Variants in SAMD12 observed in about 807,000 individuals in gnomAD.
The protein encoded by SAMD12 is sterile alpha motif domain-containing protein 12.
SAMD12 carries 9 observed loss-of-function variants against 15.0 expected under a neutral mutation model. The observed-to-expected ratio is 0.60, with a 90% confidence interval of 0.36 to 1.05. The LOEUF (loss-of-function observed/expected upper bound fraction) is 1.05. Ranked by LOEUF, SAMD12 falls within the 50% of genes least tolerant of loss-of-function variation. The pLI is 0.01. For missense variants in SAMD12, 230 were observed against 234.2 expected (o/e 0.98, Z 0.12); for synonymous variants, 86 against 90.1 (o/e 0.96, Z 0.25).
At chr8:118,241,063 T>C (rs1413697874) in intron 4 of SAMD12, among the ~76,000 whole-genome samples, 1 of 152,192 alleles carries the variant, frequency 6.6e-6, no homozygotes, top group African/African-American at 2.4e-5. Flanking sequence ...ATCCCTGGGA[T>C]AGTATTCATT....
At chr8:118,542,158 C>T (rs1186215873) in intron 2 of SAMD12, among the ~76,000 whole-genome samples, 1 of 152,084 alleles carries the variant, frequency 6.6e-6, no homozygotes, top group Non-Finnish European at 1.5e-5. Flanking sequence ...AATAGGCCAC[C>T]CTGGCTGCAT....
downstream of SAMD12, among the ~76,000 whole-genome samples, chr8:118,185,007 T>C (rs966996506): frequency 2.0e-5 from 3 of 151,864 alleles, no homozygotes; most frequent in Admixed American, 1.3e-4. Context: ...AAAAAATCAA[T>C]ACCTGTTTGC....
At position 118,401,541 on chromosome 8, in the gene SAMD12, C is replaced by CCTTT. The variant is rs10630727; in HGVS notation, c.323-21842_323-21841insAAAG. Among the ~76,000 whole-genome samples, 612 of 140,246 alleles carry CCTTT rather than the reference C, an allele frequency of 4.4e-3. 8 individuals carry two copies. The highest frequency in any genetic ancestry group is 0.013 in the African/African-American group (489 of 38,026). 92.0% of individuals were successfully genotyped at this position (140,246 alleles called of 152,430 possible). ...GTGTGCCACAGACTCCCTTCTTCTT[C>CCTTT]TTTTTTTTTTTTTTTGTATAAACAG... On this transcript the variant is annotated intron_variant, in intron 3 of 3. Transcript: ENST00000314727.
chr8:118,321,176 T>A (rs1816255090), intron 4 of SAMD12, among the ~76,000 whole-genome samples: 3 of 115,786 alleles, frequency 2.6e-5, no homozygotes, highest in East Asian at 2.3e-4. Flanking sequence ...TATATATATA[T>A]ATATATATAT....
At chr8:118,516,091 G>A (rs1326160721) in intron 2 of SAMD12, among the ~76,000 whole-genome samples, 1 of 152,182 alleles carries the variant, frequency 6.6e-6, no homozygotes, top group Admixed American at 6.5e-5. Flanking sequence ...TGAATTTGCT[G>A]AGAGAACTCT....
exon 5 of SAMD12, chr8:118,192,406 G>A (rs879629122): frequency 1.3e-5 from 2 of 152,126 alleles, no homozygotes; most frequent in African/African-American, 4.8e-5. Flanking sequence ...CAATGTGGAA[G>A]GCAACCAGCA....
chr8:118,543,631 C>CTTTTTTTTTTTTTTTTTTTTTTTTTTT (rs397978436), intron 2 of SAMD12, among the ~76,000 whole-genome samples: 1 of 116,630 alleles, frequency 8.6e-6, no homozygotes, highest in African/African-American at 3.6e-5. Context: ...TTCTTTCTTT[C>CTTTTTTTTTTTTTTTTTTTTTTTTTTT]TTTTTTTTTT....
At chr8:118,520,892 G>A (rs527310594) in intron 2 of SAMD12, among the ~76,000 whole-genome samples, 3 of 152,076 alleles carry the variant, frequency 2.0e-5, no homozygotes, top group Non-Finnish European at 4.4e-5. Flanking sequence ...ATTCTGGGTG[G>A]TGATCCATAA....
chr8:118,330,211 T>C (rs73709920), intron 4 of SAMD12, among the ~76,000 whole-genome samples: 21,094 of 152,178 alleles, frequency 0.14, 3,072 homozygotes, highest in African/African-American at 0.35. Flanking sequence ...AAGATGTAGC[T>C]ACGTTGGATT....
intron 2 of SAMD12, among the ~76,000 whole-genome samples, chr8:118,517,365 A>G (rs1301361786): frequency 6.6e-6 from 1 of 152,198 alleles, no homozygotes; most frequent in Non-Finnish European, 1.5e-5. Flanking sequence ...CTATACCTCA[A>G]TTTCCTCATT....
the SAMD12 span, among the ~76,000 whole-genome samples, chr8:118,149,518 G>C: frequency 4.6e-5 from 7 of 152,098 alleles, no homozygotes; most frequent in Non-Finnish European, 8.8e-5. Context: ...CTGGGTTCCA[G>C]TCCTTTCTCT....
intron 2 of SAMD12, among the ~76,000 whole-genome samples, chr8:118,543,431 C>G (rs912891914): frequency 6.6e-6 from 1 of 152,022 alleles, no homozygotes; most frequent in Non-Finnish European, 1.5e-5. Context: ...CAAACAAAAA[C>G]GCACCTTTTA....
At chr8:118,203,336 C>T (rs1427475407) in intron 4 of SAMD12, among the ~76,000 whole-genome samples, 1 of 151,990 alleles carries the variant, frequency 6.6e-6, no homozygotes, top group African/African-American at 2.4e-5. Flanking sequence ...TATAATTTTG[C>T]CCCCTACAGC....
At chr8:118,241,624 G>A (rs913631728) in intron 4 of SAMD12, among the ~76,000 whole-genome samples, 1 of 152,124 alleles carries the variant, frequency 6.6e-6, no homozygotes, top group Admixed American at 6.5e-5. Context: ...TTGCCTGTTT[G>A]TTGTGGCGTG....
intron 4 of SAMD12, among the ~76,000 whole-genome samples, chr8:118,314,169 T>C (rs1187444371): frequency 1.3e-5 from 2 of 152,204 alleles, no homozygotes; most frequent in Admixed American, 1.3e-4. Context: ...ACTATTTTAA[T>C]TCATAAATTC....
At chr8:118,192,926 C>T (rs1464635500) in exon 5 of SAMD12, 1 of 152,142 alleles carries the variant, frequency 6.6e-6, no homozygotes, top group Non-Finnish European at 1.5e-5. Context: ...TTTTAAATAG[C>T]CTTACGTGGC....
intron 2 of SAMD12, among the ~76,000 whole-genome samples, chr8:118,537,110 C>G (rs758081489): frequency 3.9e-5 from 6 of 152,138 alleles, no homozygotes; most frequent in Non-Finnish European, 7.4e-5. Context: ...CCACTCTTTC[C>G]TGGCCTGTAA....
chr8:118,236,456 T>C (rs1812433210), intron 4 of SAMD12, among the ~76,000 whole-genome samples: 1 of 152,198 alleles, frequency 6.6e-6, no homozygotes, highest in African/African-American at 2.4e-5. Flanking sequence ...GTGTGAGGCC[T>C]AAATTTAGGA....
At chr8:118,411,182 C>T (rs7821926) in intron 3 of SAMD12, among the ~76,000 whole-genome samples, 52,394 of 151,934 alleles carry the variant, frequency 0.34, 9,700 homozygotes, top group African/African-American at 0.41. Context: ...GTGTTTTGTA[C>T]GTTACAGGAA....
Sources: allele counts gnomAD v4.1 joint callset (sites outside exome capture counted in the v4.1 genomes callset), GRCh38; gene constraint gnomAD v4.1.1; transcripts MANE v1.5; gene names NCBI Gene and HGNC (gene_info 2026-07-23, HGNC 2026-07-21).